MADD: variants seen among roughly 807,000 people sequenced by gnomAD.
The protein encoded by MADD is MAP kinase-activating death domain protein.
In MADD, 109 loss-of-function variants were observed where a neutral mutation model predicts 176.7. The observed-to-expected ratio is 0.62, with a 90% CI of 0.53 to 0.72. The LOEUF (loss-of-function observed/expected upper bound fraction) is 0.72, where lower values mean the gene tolerates loss of function less well. Among genes scored for constraint, MADD ranks in the 30% least tolerant of loss-of-function variants. The pLI, the probability that MADD is intolerant of heterozygous loss-of-function variation, is 0.00. For missense variants in MADD, 1,914 were observed against 2,045.5 expected (o/e 0.94, Z 1.24); for synonymous variants, 771 against 771.3 (o/e 1.00, Z 0.01).
upstream of MADD, chr11:47,269,568 G>C (rs1958283781): frequency 6.6e-6 from 1 of 152,166 alleles, no homozygotes; most frequent in African/African-American, 2.4e-5. Context: ...TGTCCTCGCG[G>C]ACTGACTGGA....
intron 15 of MADD, among the ~76,000 whole-genome samples, chr11:47,287,115 G>A (rs1292283929): frequency 6.6e-6 from 1 of 152,218 alleles, no homozygotes; most frequent in Non-Finnish European, 1.5e-5. Context: ...CACGAGGTCA[G>A]GAGTTCGAGA....
At chr11:47,289,900 C>T in exon 17 of MADD, 3 of 1,613,948 alleles carry the variant, frequency 1.9e-6, no homozygotes, top group Non-Finnish European at 2.5e-6. Flanking sequence ...AGGTGGTGCA[C>T]AGCGTGCTGG....
intron 7 of MADD, among the ~76,000 whole-genome samples, chr11:47,280,547 T>A (rs185401770): frequency 1.5e-3 from 225 of 151,504 alleles, no homozygotes; most frequent in African/African-American, 4.9e-3. Flanking sequence ...GAATTATATT[T>A]AATTAAATTA....
exon 9 of MADD, chr11:47,282,404 A>C (rs1432883151): frequency 6.2e-7 from 1 of 1,614,028 alleles, no homozygotes; most frequent in Non-Finnish European, 8.5e-7. Flanking sequence ...CGGTTCTTCA[A>C]TTCCGCCAAC....
intron 2 of MADD, 72 bp downstream of exon 2, chr11:47,274,048 C>T (rs1056953096): frequency 1.0e-5 from 14 of 1,369,970 alleles, no homozygotes; most frequent in South Asian, 4.8e-5. Context: ...TTCCCTTCTC[C>T]GATTTCCATG....
chr11:47,327,557 T>G, intron 31 of MADD: 10 of 985,286 alleles, frequency 1.0e-5, no homozygotes, highest in Non-Finnish European at 1.2e-5. Flanking sequence ...GTCTCTTCCT[T>G]TCTCCCCTAC....
chr11:47,281,021 G>C (rs142506192), intron 7 of MADD, among the ~76,000 whole-genome samples: 1 of 152,128 alleles, frequency 6.6e-6, no homozygotes, highest in Non-Finnish European at 1.5e-5. Flanking sequence ...ATATTGAATC[G>C]GGATCTGCAT....
chr11:47,326,645 T>C, intron 30 of MADD, 93 bp downstream of exon 34: 2 of 1,537,824 alleles, frequency 1.3e-6, no homozygotes, highest in South Asian at 1.2e-5. Flanking sequence ...TAGACTTTCT[T>C]TGTGTGGGTG....
At chr11:47,329,816 G>GCTCT (rs2095826849) in exon 33 of MADD, 3 of 152,688 alleles carry the variant, frequency 2.0e-5, no homozygotes, top group Non-Finnish European at 4.4e-5. Context: ...TGGAGTCCCA[G>GCTCT]GGACCGCTGG....
At chr11:47,278,269 C>T in exon 6 of MADD, 1 of 1,612,312 alleles carries the variant, frequency 6.2e-7, no homozygotes, top group Non-Finnish European at 8.5e-7. Flanking sequence ...TGGATCTGGA[C>T]AGCAATAGGG....
intron 31 of MADD, chr11:47,327,115 G>A (rs2095528191): frequency 9.1e-7 from 1 of 1,104,478 alleles, no homozygotes; most frequent in Non-Finnish European, 1.1e-6. Flanking sequence ...CAGAAAGTTT[G>A]GGACACAGCA....
upstream of MADD, chr11:47,269,680 G>C (rs1241196182): frequency 6.6e-6 from 1 of 151,746 alleles, no homozygotes; most frequent in African/African-American, 2.4e-5. Flanking sequence ...TGCCCCCGCT[G>C]CCCAGGATTG....
intron 18 of MADD, 83 bp from the exon 20 acceptor site, chr11:47,290,527 T>A: frequency 1.4e-6 from 2 of 1,417,974 alleles, no homozygotes; most frequent in South Asian, 2.6e-5. Context: ...CGCACCCTCC[T>A]GTATCCTGGC....
Position 47,326,560 on chromosome 11 carries a change from C to T in MADD, c.4543-178C>T, listed in dbSNP as rs995786512. On this transcript the variant is annotated intron_variant, in intron 30 of 32. Transcript: ENST00000402192. ...TCCGGCCAGGAGCGGAAGGTACATG[C>T]CCTTTCTGCTATCTTCGCTTCTTAG... is the stretch of plus-strand genomic sequence containing the variant. The T allele has an allele frequency of 2.3e-5, 33 of 1,414,950 alleles. No individual in the cohort carries two copies. The highest frequency in any genetic ancestry group is 2.9e-5 in the Non-Finnish European group (31 of 1,086,566). 87.6% of individuals were successfully genotyped at this position (1,414,950 alleles called of 1,614,324 possible).
At chr11:47,312,522 G>A (rs976139712) in intron 26 of MADD, among the ~76,000 whole-genome samples, 3 of 152,218 alleles carry the variant, frequency 2.0e-5, no homozygotes, top group African/African-American at 7.2e-5. Context: ...TGCCTCCCGA[G>A]TTCAAGCAGT....
chr11:47,277,736 C>A (rs974626036), intron 5 of MADD, among the ~76,000 whole-genome samples: 1 of 152,112 alleles, frequency 6.6e-6, no homozygotes, highest in Non-Finnish European at 1.5e-5. Flanking sequence ...GATCTGATAA[C>A]CGAGATGGCT....
At chr11:47,303,338 T>G (rs373548302) in intron 22 of MADD, among the ~76,000 whole-genome samples, 1 of 147,392 alleles carries the variant, frequency 6.8e-6, no homozygotes, top group South Asian at 2.2e-4. Flanking sequence ...GCCTCCTGGG[T>G]TCACACCATT....
chr11:47,322,317 C>T (rs1334530910), intron 27 of MADD, among the ~76,000 whole-genome samples: 3 of 152,038 alleles, frequency 2.0e-5, no homozygotes, highest in South Asian at 2.1e-4. Context: ...GCCTTAAGAA[C>T]GGATAACTGG....
intron 7 of MADD, among the ~76,000 whole-genome samples, chr11:47,281,093 G>C (rs972923459): frequency 1.3e-5 from 2 of 152,168 alleles, no homozygotes; most frequent in Admixed American, 6.5e-5. Context: ...TGCTGCTCTC[G>C]ACCAGTGGTC....
Sources: allele counts gnomAD v4.1 joint callset (sites outside exome capture counted in the v4.1 genomes callset), GRCh38; gene constraint gnomAD v4.1.1; transcripts MANE v1.5; gene names NCBI Gene and HGNC (gene_info 2026-07-23, HGNC 2026-07-21).